The following PARD3 variants were observed in gnomAD, a reference collection of about 807,000 sequenced individuals.
PARD3 encodes partitioning defective 3 homolog.
Under a neutral mutation model 155.4 loss-of-function variants are expected in PARD3, and 75 were observed. That is an observed-to-expected ratio of 0.48 (90% CI 0.40 to 0.58). The LOEUF (loss-of-function observed/expected upper bound fraction) is 0.58. Ranked by LOEUF, PARD3 falls within the 20% of genes least tolerant of loss-of-function variation. PARD3 has a pLI of 0.00. For missense variants in PARD3, 1,642 were observed against 1,721.7 expected (o/e 0.95, Z 0.82); for synonymous variants, 576 against 610.5 (o/e 0.94, Z 0.83).
chr10:34,370,722 T>C (rs1022852591), intron 12 of PARD3, among the ~76,000 whole-genome samples: 6 of 152,138 alleles, frequency 3.9e-5, no homozygotes, highest in Non-Finnish European at 7.4e-5. Context: ...CATAAAGGAA[T>C]AGCTCTTCCC....
intron 2 of PARD3, among the ~76,000 whole-genome samples, chr10:34,546,054 T>C (rs77120493): frequency 0.017 from 2,628 of 152,328 alleles, 37 homozygotes; most frequent in Middle Eastern, 0.051. Flanking sequence ...CGTAAAAGTA[T>C]ACTTATAATA....
At chr10:34,203,172 A>AAG (rs777650179) in intron 22 of PARD3, among the ~76,000 whole-genome samples, 133 of 151,402 alleles carry the variant, frequency 8.8e-4, no homozygotes, top group African/African-American at 2.6e-3. Context: ...GGTACACTGC[A>AAG]AGAGAGAGAG....
chr10:34,446,336 C>T (rs1286609718), intron 5 of PARD3, among the ~76,000 whole-genome samples: 3 of 152,144 alleles, frequency 2.0e-5, no homozygotes, highest in African/African-American at 7.2e-5. Context: ...TTGTCTGTTA[C>T]CTGTCCTATT....
At chr10:34,617,391 A>G (rs564985757) in intron 2 of PARD3, among the ~76,000 whole-genome samples, 1 of 152,318 alleles carries the variant, frequency 6.6e-6, no homozygotes, top group African/African-American at 2.4e-5. Flanking sequence ...CTAGATAGGA[A>G]GAATTAAGTT....
intron 3 of PARD3, among the ~76,000 whole-genome samples, chr10:34,495,144 A>G (rs2133363226): frequency 6.6e-6 from 1 of 152,088 alleles, no homozygotes; most frequent in South Asian, 2.1e-4. Context: ...ATTGCTTCCT[A>G]ACTATCTGTA....
rs1233817726 is a variant in PARD3 at position 34,539,534 on chromosome 10, C to T, written c.223-22375G>A. Among the ~76,000 whole-genome samples, 3 of 152,238 alleles carry T rather than the reference C, an allele frequency of 2.0e-5. No homozygotes were observed. The East Asian group carries it at 5.8e-4, about 29-fold the overall frequency. On this transcript the variant is annotated intron_variant, in intron 2 of 24. Coordinates refer to ENST00000374788, the MANE Select transcript of PARD3 (RefSeq NM_001184785.2). Reference sequence around the variant, plus strand: ...AATTAGCCAGGTGTGGTGGCGGGCACCTGTAATCCCAGCTACTCTGAAGGC... The same window carrying T: ...AATTAGCCAGGTGTGGTGGCGGGCATCTGTAATCCCAGCTACTCTGAAGGC...
chr10:34,303,099 T>C (rs1002774156), intron 20 of PARD3, among the ~76,000 whole-genome samples: 1 of 150,852 alleles, frequency 6.6e-6, no homozygotes, highest in Non-Finnish European at 1.5e-5. Context: ...CTGCCCATCA[T>C]TAGAAACCAT....
chr10:34,321,969 C>G (rs568066583), intron 19 of PARD3, among the ~76,000 whole-genome samples: 16 of 152,244 alleles, frequency 1.1e-4, no homozygotes, highest in Admixed American at 3.3e-4. Context: ...TTTCCCCCCC[C>G]CATTGAGAAG....
chr10:34,558,417 T>C (rs1214844157), intron 2 of PARD3, among the ~76,000 whole-genome samples: 1 of 152,182 alleles, frequency 6.6e-6, no homozygotes, highest in African/African-American at 2.4e-5. Flanking sequence ...AAAATACTTA[T>C]CATTCTTGCT....
chr10:34,390,589 A>G (rs978457693), intron 7 of PARD3, among the ~76,000 whole-genome samples: 7 of 152,176 alleles, frequency 4.6e-5, no homozygotes, highest in African/African-American at 1.7e-4. Context: ...CCAAGGCCAC[A>G]CTACGTAAAA....
At chr10:34,556,557 T>C (rs1278538454) in intron 2 of PARD3, among the ~76,000 whole-genome samples, 1 of 152,022 alleles carries the variant, frequency 6.6e-6, no homozygotes, top group Non-Finnish European at 1.5e-5. Flanking sequence ...TAATTTTTTG[T>C]ATTTTTAGTG....
At chr10:34,322,896 T>C (rs982643238) in intron 19 of PARD3, among the ~76,000 whole-genome samples, 1 of 152,158 alleles carries the variant, frequency 6.6e-6, no homozygotes, top group Non-Finnish European at 1.5e-5. Context: ...ACAATTTATA[T>C]TGAAAGATAA....
chr10:34,760,650 A>G (rs1477788125), intron 1 of PARD3, among the ~76,000 whole-genome samples: 1 of 152,194 alleles, frequency 6.6e-6, no homozygotes, highest in Admixed American at 6.5e-5. Flanking sequence ...TTCTAATATA[A>G]TAGCAGAAGT....
chr10:34,468,757 A>G (rs561728294), intron 4 of PARD3, among the ~76,000 whole-genome samples: 1 of 152,310 alleles, frequency 6.6e-6, no homozygotes, highest in African/African-American at 2.4e-5. Context: ...TATGTTTTCC[A>G]TGTACTTTTT....
chr10:34,663,585 A>G (rs1457605405), intron 2 of PARD3, among the ~76,000 whole-genome samples: 1 of 152,176 alleles, frequency 6.6e-6, no homozygotes, highest in Non-Finnish European at 1.5e-5. Flanking sequence ...ATCCACAAAA[A>G]TAAAAAATTT....
intron 5 of PARD3, among the ~76,000 whole-genome samples, chr10:34,445,274 A>C (rs561310044): frequency 6.6e-6 from 1 of 152,342 alleles, no homozygotes; most frequent in South Asian, 2.1e-4. Context: ...AGCATAACCT[A>C]AGATTCCTCT....
chr10:34,588,693 C>T (rs1044566759), intron 2 of PARD3, among the ~76,000 whole-genome samples: 2 of 152,122 alleles, frequency 1.3e-5, no homozygotes, highest in African/African-American at 4.8e-5. Context: ...GCTGCAATCC[C>T]GTTAGTGTTT....
At chr10:34,574,144 G>T in intron 2 of PARD3, among the ~76,000 whole-genome samples, 1 of 151,628 alleles carries the variant, frequency 6.6e-6, no homozygotes, top group African/African-American at 2.4e-5. Context: ...TTTTCAGTTA[G>T]GTTATATTTT....
At chr10:34,334,910 T>C (rs1836001529) in intron 18 of PARD3, among the ~76,000 whole-genome samples, 2 of 151,918 alleles carry the variant, frequency 1.3e-5, no homozygotes, top group Non-Finnish European at 2.9e-5. Context: ...GTCCTTTTCC[T>C]TATAGTAGCT....
Sources: gnomAD v4.1 joint callset for allele counts (sites outside exome capture counted in the v4.1 genomes callset) on GRCh38, gnomAD v4.1.1 for gene constraint, MANE v1.5 for transcripts, NCBI Gene and HGNC (gene_info 2026-07-23, HGNC 2026-07-21) for gene names.